The following SPHKAP variants were observed in gnomAD, a reference collection of about 807,000 sequenced individuals.
The protein encoded by SPHKAP is SPHK1 interactor, AKAP domain containing, also known as A-kinase anchor protein SPHKAP.
SPHKAP carries 67 observed loss-of-function variants against 137.5 expected under a neutral mutation model. The ratio of observed to expected loss-of-function variants is 0.49; its 90% confidence interval spans 0.40 to 0.60. SPHKAP has a LOEUF of 0.60. SPHKAP is among the 20% of genes least tolerant of loss of function. The pLI, the probability that SPHKAP is intolerant of heterozygous loss-of-function variation, is 0.00. For missense variants in SPHKAP, 2,097 were observed against 2,069.3 expected (o/e 1.01, Z -0.26); for synonymous variants, 813 against 785.3 (o/e 1.04, Z -0.59).
intron 3 of SPHKAP, among the ~76,000 whole-genome samples, chr2:228,098,070 C>T (rs1028202213): frequency 1.4e-4 from 21 of 152,174 alleles, no homozygotes; most frequent in Admixed American, 1.4e-3. Flanking sequence ...CTGCTTTCCA[C>T]AGTGGCTGAA....
intron 1 of SPHKAP, among the ~76,000 whole-genome samples, chr2:228,163,128 A>G (rs1700324212): frequency 6.6e-6 from 1 of 152,196 alleles, no homozygotes; most frequent in African/African-American, 2.4e-5. Context: ...CCACTTTTAA[A>G]GTGAGCAGAA....
chr2:228,037,133 C>T (rs1440350907), intron 3 of SPHKAP, among the ~76,000 whole-genome samples: 2 of 152,122 alleles, frequency 1.3e-5, no homozygotes, highest in African/African-American at 2.4e-5. Flanking sequence ...TATAGGCATA[C>T]TCACTCTTTT....
At chr2:228,094,423 G>A (rs1266772010) in intron 3 of SPHKAP, among the ~76,000 whole-genome samples, 1 of 152,180 alleles carries the variant, frequency 6.6e-6, no homozygotes, top group African/African-American at 2.4e-5. Flanking sequence ...TTCACAAATG[G>A]AAGCTTAGTC....
intron 1 of SPHKAP, among the ~76,000 whole-genome samples, chr2:228,160,515 C>T (rs923337409): frequency 1.3e-5 from 2 of 152,160 alleles, no homozygotes; most frequent in Non-Finnish European, 2.9e-5. Context: ...GGAAAAGCCC[C>T]TTATAAAACC....
intron 1 of SPHKAP, among the ~76,000 whole-genome samples, chr2:228,146,570 C>T (rs1220324760): frequency 6.6e-6 from 1 of 152,178 alleles, no homozygotes; most frequent in Non-Finnish European, 1.5e-5. Flanking sequence ...TTTTCCTCCT[C>T]CACCCTCAAA....
chr2:228,020,235 AAAAAT>A (rs1687154753), intron 6 of SPHKAP, 79 bp from the exon 7 acceptor site: 1 of 1,503,980 alleles, frequency 6.6e-7, no homozygotes, highest in South Asian at 1.4e-5. Context: ...ATTACTTTCT[AAAAAT>A]AAAACATCAA....
At chr2:228,069,601 G>GTT (rs915614298) in intron 3 of SPHKAP, among the ~76,000 whole-genome samples, 4 of 146,708 alleles carry the variant, frequency 2.7e-5, no homozygotes, top group African/African-American at 9.9e-5. Flanking sequence ...TTTAAAAGAA[G>GTT]TTTTTTTTTT....
At chr2:228,059,221 G>T (rs767582119) in intron 3 of SPHKAP, among the ~76,000 whole-genome samples, 4 of 152,140 alleles carry the variant, frequency 2.6e-5, no homozygotes, top group Admixed American at 2.0e-4. Flanking sequence ...GCAGGTGTTT[G>T]CATGAGCATA....
chr2:228,018,065 G>T lies in SPHKAP; in HGVS notation c.2789C>A (p.Ala930Glu). 1 of 1,614,100 alleles carries T rather than the reference G, an allele frequency of 6.2e-7. No individual in the cohort carries two copies. Among genetic ancestry groups the T allele is most frequent in the Non-Finnish European group, 8.5e-7 (1 of 1,180,020 alleles). Residue 930 changes from alanine (A) to glutamate (E), a missense_variant, in exon 7 of 12, where the codon GCG becomes GAG. Transcript: ENST00000392056. ...GACGACCGTGTCTGCTAATTCTTCC[G>T]CAAAGTCTGTAATGCAGTAGATGTC... is the stretch of plus-strand genomic sequence containing the variant. ...HPDIYCITDF[A>E]EELADTVVSM...
Position 228,178,205 on chromosome 2 carries a change from G to C in SPHKAP, c.32+3362C>G, listed in dbSNP as rs144522770. 3.0e-3 allele frequency among the ~76,000 whole-genome samples: 461 copies of C among 152,244 alleles called. 4 individuals are homozygous for C. Among genetic ancestry groups the C allele is most frequent in the African/African-American group, 0.011 (453 of 41,552 alleles). On this transcript the variant is annotated intron_variant, in intron 1 of 11. Transcript: ENST00000392056. ...ATGGATTTTCAATCAGTACACAAGAGAAAACTGGACTTGAAGGCAGAAAAA... is the reference window on the plus strand; with the variant it reads ...ATGGATTTTCAATCAGTACACAAGACAAAACTGGACTTGAAGGCAGAAAAA...
At chr2:227,995,770 G>T in intron 7 of SPHKAP, 76 bp from the exon 8 acceptor site, 1 of 1,419,084 alleles carries the variant, frequency 7.0e-7, no homozygotes. Flanking sequence ...GAGCCACTTT[G>T]TAGAGTCCCA....
intron 2 of SPHKAP, among the ~76,000 whole-genome samples, chr2:228,122,304 G>T (rs1407826304): frequency 6.6e-6 from 1 of 151,574 alleles, no homozygotes; most frequent in Non-Finnish European, 1.5e-5. Context: ...TTTTTAAAAA[G>T]AAAAAAGTAA....
At chr2:228,020,573 G>A (rs538358535) in intron 6 of SPHKAP, among the ~76,000 whole-genome samples, 20 of 152,178 alleles carry the variant, frequency 1.3e-4, no homozygotes, top group African/African-American at 2.2e-4. Flanking sequence ...TGTTGTTGGC[G>A]GGGGGAGTGG....
intron 3 of SPHKAP, among the ~76,000 whole-genome samples, chr2:228,035,630 T>A (rs549221946): frequency 6.6e-6 from 1 of 152,148 alleles, no homozygotes; most frequent in African/African-American, 2.4e-5. Flanking sequence ...GACTTCAAAC[T>A]TTACTACAAG....
chr2:228,074,535 A>G (rs755288544), intron 3 of SPHKAP, among the ~76,000 whole-genome samples: 4 of 152,126 alleles, frequency 2.6e-5, no homozygotes, highest in African/African-American at 4.8e-5. Context: ...ACCACTCACT[A>G]TCACCAGAAC....
At chr2:228,028,526 CATAT>C (rs1299503999) in intron 3 of SPHKAP, among the ~76,000 whole-genome samples, 1 of 152,194 alleles carries the variant, frequency 6.6e-6, no homozygotes, top group Non-Finnish European at 1.5e-5. Flanking sequence ...GAACTGATCA[CATAT>C]ACAACAGTGG....
intron 2 of SPHKAP, among the ~76,000 whole-genome samples, chr2:228,120,025 T>C (rs893629269): frequency 2.0e-5 from 3 of 152,180 alleles, no homozygotes; most frequent in African/African-American, 7.2e-5. Context: ...TTAAAAGTGT[T>C]GTAAAATAAT....
At chr2:228,092,392 TATATACAC>T (rs1351045073) in intron 3 of SPHKAP, among the ~76,000 whole-genome samples, 49 of 101,456 alleles carry the variant, frequency 4.8e-4, no homozygotes, top group African/African-American at 1.7e-3. Flanking sequence ...CATATATACA[TATATACAC>T]ATATACACAT....
intron 3 of SPHKAP, among the ~76,000 whole-genome samples, chr2:228,108,353 C>A (rs1698407613): frequency 6.6e-6 from 1 of 152,130 alleles, no homozygotes; most frequent in African/African-American, 2.4e-5. Flanking sequence ...GGCTCAGCGT[C>A]AATATATTAA....
Sources: gnomAD v4.1 joint callset for allele counts (sites outside exome capture counted in the v4.1 genomes callset) on GRCh38, gnomAD v4.1.1 for gene constraint, MANE v1.5 for transcripts, NCBI Gene and HGNC (gene_info 2026-07-23, HGNC 2026-07-21) for gene names.